TBCD: variants seen among roughly 807,000 people sequenced by gnomAD.
The protein encoded by TBCD is tubulin folding cofactor D.
A neutral mutation model predicts 169.3 loss-of-function variants in TBCD; 105 were observed. The observed-to-expected ratio is 0.62, with a 90% CI of 0.53 to 0.73. The LOEUF (loss-of-function observed/expected upper bound fraction) is 0.73, where lower values mean the gene tolerates loss of function less well. TBCD is among the 30% of genes least tolerant of loss of function. The probability of loss-of-function intolerance (pLI) is 0.00; values close to 1 mark genes in which losing one functional copy is unlikely to be tolerated. For missense variants in TBCD, 1,444 were observed against 1,600.1 expected (o/e 0.90, Z 1.66); for synonymous variants, 700 against 643.9 (o/e 1.09, Z -1.32).
In TBCD at chr17:82,920,311, C is replaced by T. The variant is rs1481442179; in HGVS notation, c.2039-245C>T. The T allele has an allele frequency of 1.7e-6, 1 of 572,744 alleles. No individual in the cohort carries two copies. Among genetic ancestry groups the T allele is most frequent in the Non-Finnish European group, 3.1e-6 (1 of 325,646 alleles). The allele number at this position is 572,744 out of a possible 1,614,324, so 35.5% of individuals were successfully genotyped here. On this transcript the variant is annotated intron_variant, in intron 23 of 38. Coordinates refer to ENST00000355528, the MANE Select transcript of TBCD (RefSeq NM_005993.5). The surrounding 1 kb of genome is among the most constrained non-coding windows in gnomAD (Gnocchi z 4.1). ...AGTGCACGTGGGCTCACACATGGGC[C>T]TTCTGCCACGTGGCTGGGTCTGCAG...
At chr17:82,854,152 TG>T (rs1348770489) in intron 13 of TBCD, among the ~76,000 whole-genome samples, 1 of 152,248 alleles carries the variant, frequency 6.6e-6, no homozygotes, top group Non-Finnish European at 1.5e-5. Context: ...TAGTTCTTCT[TG>T]TTTAACATTA....
Position 82,768,430 on chromosome 17 carries a change from C to T in TBCD, c.446C>T (p.Thr149Ile). The change falls in exon 5 of 39, where the codon ACC (threonine) becomes ATC (isoleucine). Residue 149 changes from threonine (T) to isoleucine (I), a missense_variant. Transcript: ENST00000355528. ...QNPKDHEAWETRYMLLLWLSV... is the reference protein window; with the variant it reads ...QNPKDHEAWEIRYMLLLWLSV... ...GGTTTAATTTTTTAGGCTTGGGAAA[C>T]CCGCTACATGCTTTTGCTCTGGCTC... 6.2e-7 allele frequency: 1 copy of T among 1,613,880 alleles called. No homozygotes were observed.
chr17:82,891,050 G>A (rs943840349), intron 16 of TBCD, among the ~76,000 whole-genome samples: 1 of 152,238 alleles, frequency 6.6e-6, no homozygotes, highest in East Asian at 1.9e-4. Context: ...TGAGGCCAGA[G>A]CCCGGGGTGA....
intron 7 of TBCD, among the ~76,000 whole-genome samples, chr17:82,784,052 GA>G (rs1233692694): frequency 3.3e-5 from 5 of 151,950 alleles, no homozygotes; most frequent in Non-Finnish European, 5.9e-5. Flanking sequence ...TTGAACCTGG[GA>G]GGCGGAGGTT....
At chr17:82,774,196 G>T (rs1016081569) in intron 6 of TBCD, among the ~76,000 whole-genome samples, 3 of 152,086 alleles carry the variant, frequency 2.0e-5, no homozygotes, top group Non-Finnish European at 2.9e-5. Flanking sequence ...AGGACCCTGC[G>T]GCCTTCCGCA....
chr17:82,831,489 G>A lies in TBCD; in HGVS notation c.1318+16555G>A, dbSNP rs1598781734. On this transcript the variant is annotated intron_variant, in intron 13 of 38. Transcript: ENST00000355528. The surrounding 1 kb of genome is among the most constrained non-coding windows in gnomAD (Gnocchi z 4.6). ...AGGAGGAAAATGCAGACTCTGGCCT[G>A]TAAAATCCGTAAGGAATCGGCAGGT... 1 of 1,614,212 alleles carries A rather than the reference G, an allele frequency of 6.2e-7. No individual in the cohort carries two copies. The highest frequency in any genetic ancestry group is 2.2e-5 in the East Asian group (1 of 44,890).
chr17:82,899,604 A>G (rs1001671877), intron 17 of TBCD, among the ~76,000 whole-genome samples: 2 of 152,232 alleles, frequency 1.3e-5, no homozygotes, highest in African/African-American at 2.4e-5. Flanking sequence ...GCAGTTGTAT[A>G]TATTTATTTA....
At position 82,907,749 on chromosome 17, in the gene TBCD, G is replaced by C. The variant is rs2146847649; in HGVS notation, c.1923-12G>C. On this transcript the variant is annotated splice_polypyrimidine_tract_variant and intron_variant, in intron 20 of 38. Coordinates refer to ENST00000355528, the MANE Select transcript of TBCD (RefSeq NM_005993.5). ...GGAGTGTGACTTCAGCTCTGTGTTT[G>C]AACTTCTGCAGGCCCGTCACGGACC... is the stretch of plus-strand genomic sequence containing the variant. 6.2e-7 allele frequency: 1 copy of C among 1,613,580 alleles called. No individual in the cohort carries two copies. Among genetic ancestry groups the C allele is most frequent in the South Asian group, 1.1e-5 (1 of 90,940 alleles).
chr17:82,870,765 C>T (rs1055577077), intron 14 of TBCD, among the ~76,000 whole-genome samples: 6 of 152,378 alleles, frequency 3.9e-5, no homozygotes, highest in East Asian at 3.9e-4. Flanking sequence ...GCACGGGAAT[C>T]GCCTGTGCGT....
At chr17:82,926,912 C>T (rs968660505) in intron 28 of TBCD, 2 of 535,004 alleles carry the variant, frequency 3.7e-6, no homozygotes, top group African/African-American at 1.9e-5. Context: ...TGCCAGCATC[C>T]GTTCCCTCTA....
intron 21 of TBCD, among the ~76,000 whole-genome samples, chr17:82,908,081 G>A (rs532561128): frequency 6.6e-6 from 1 of 152,340 alleles, no homozygotes; most frequent in African/African-American, 2.4e-5. Context: ...TTCTGTGCAC[G>A]TAGCCAGCAT....
Position 82,930,286 on chromosome 17 carries a change from C to A in TBCD, c.2992-236C>A. The stretch of plus-strand genomic sequence containing the variant: ...TTCGTCACGTGCTCTCCCGCATGTC[C>A]TAAGTGAGGGCTCAGGCTGAGCTGC... On this transcript the variant is annotated intron_variant, in intron 32 of 38. Coordinates refer to ENST00000355528, the MANE Select transcript of TBCD (RefSeq NM_005993.5). This position sits in a 1 kb window ranked among gnomAD's most constrained non-coding sequence, Gnocchi z 5.2. 1.8e-6 allele frequency: 1 copy of A among 557,744 alleles called. No individual in the cohort carries two copies. Among genetic ancestry groups the A allele is most frequent in the Non-Finnish European group, 3.1e-6 (1 of 318,438 alleles). 34.5% of individuals were successfully genotyped at this position (557,744 alleles called of 1,614,324 possible).
intron 13 of TBCD, 56 bp downstream of exon 13, chr17:82,814,990 G>C: frequency 6.2e-7 from 1 of 1,602,458 alleles, no homozygotes; most frequent in South Asian, 1.1e-5. Context: ...AGCTGGGCAG[G>C]AGAGGCCTGT....
At chr17:82,826,270 CTAGT>C (rs1176027887) in intron 13 of TBCD, among the ~76,000 whole-genome samples, 9 of 150,134 alleles carry the variant, frequency 6.0e-5, no homozygotes, top group Non-Finnish European at 1.2e-4. Context: ...TTTTAAGGTG[CTAGT>C]TACTTAGAAG....
rs1406448964 is a variant in TBCD, at chr17:82,920,846, A to ACC, written c.2101+232_2101+233dup. 6.6e-6 allele frequency among the ~76,000 whole-genome samples: 1 copy of ACC among 151,660 alleles called. No homozygotes were observed. Among genetic ancestry groups the ACC allele is most frequent in the Non-Finnish European group, 1.5e-5 (1 of 67,886 alleles). ...GGCCCTTCCCCGCCGTCACCTCAGT[A>ACC]CCCCCACCTCCTCGCTTCCATGCCC... On this transcript the variant is annotated intron_variant, in intron 24 of 38. Coordinates refer to ENST00000355528, the MANE Select transcript of TBCD (RefSeq NM_005993.5). This position sits in a 1 kb window ranked among gnomAD's most constrained non-coding sequence, Gnocchi z 4.1.
intron 1 of TBCD, among the ~76,000 whole-genome samples, chr17:82,755,537 C>T (rs2047358258): frequency 6.6e-6 from 1 of 152,138 alleles, no homozygotes; most frequent in Non-Finnish European, 1.5e-5. Flanking sequence ...TGTCTTATTG[C>T]TACTTAAGAT....
In TBCD at chr17:82,903,382, C is replaced by A. The variant is rs758706740; in HGVS notation, c.1731-23C>A. The A allele has an allele frequency of 1.9e-6, 3 of 1,586,358 alleles. No homozygotes were observed. Among genetic ancestry groups the A allele is most frequent in the South Asian group, 1.2e-5 (1 of 86,920 alleles). On this transcript the variant is annotated intron_variant, in intron 18 of 38. Coordinates refer to ENST00000355528, the MANE Select transcript of TBCD (RefSeq NM_005993.5). The surrounding 1 kb of genome is among the most constrained non-coding windows in gnomAD (Gnocchi z 4.8). ...TAGAATCATAAAATGAAGGCACTTACGACATTCTCTCCTCACTCTCAGGGT... is the reference window on the plus strand; with the variant it reads ...TAGAATCATAAAATGAAGGCACTTAAGACATTCTCTCCTCACTCTCAGGGT...
intron 17 of TBCD, among the ~76,000 whole-genome samples, chr17:82,899,235 ATGTCCTCAGCGCACG>A (rs1376276147): frequency 3.7e-5 from 5 of 135,468 alleles, no homozygotes; most frequent in South Asian, 2.3e-4. Context: ...TCCTCAGCGC[ATGTCCTCAGCGCACG>A]TGTCCTCAGC....
At chr17:82,926,554 A>AG in intron 28 of TBCD, 63 bp downstream of exon 28, 1 of 1,415,486 alleles carries the variant, frequency 7.1e-7, no homozygotes, top group Non-Finnish European at 9.9e-7. Flanking sequence ...ATGAACGCTA[A>AG]GGGGGATGTT....
Sources: allele counts gnomAD v4.1 joint callset (sites outside exome capture counted in the v4.1 genomes callset), GRCh38; gene constraint gnomAD v4.1.1; non-coding constraint Gnocchi (gnomAD v3.1); transcripts MANE v1.5; gene names NCBI Gene and HGNC (gene_info 2026-07-23, HGNC 2026-07-21).